SIK3: variants seen among roughly 807,000 people sequenced by gnomAD.
SIK3 encodes the protein serine/threonine-protein kinase SIK3.
Under a neutral mutation model 144.2 loss-of-function variants are expected in SIK3, and 28 were observed. That is an observed-to-expected ratio of 0.19 (90% confidence interval 0.14 to 0.27). SIK3 has a LOEUF of 0.27. Among genes scored for constraint, SIK3 ranks in the 10% least tolerant of loss-of-function variants. The pLI, the probability that SIK3 is intolerant of heterozygous loss-of-function variation, is 1.00. For synonymous variants in SIK3, 686 were observed against 676.3 expected (o/e 1.01, Z -0.22); for missense variants, 1,319 against 1,776.0 (o/e 0.74, Z 4.62).
Position 116,890,304 on chromosome 11 carries a change from C to T in SIK3, c.865+5949G>A, listed in dbSNP as rs756909994. ...GTATGTGTTTGGCAAGTCTGAGAAA[C>T]AGCAAGGAAGGCCCTGTGACTGGAG... On this transcript the variant is annotated intron_variant, in intron 6 of 24. Transcript: ENST00000445177. 1.1e-4 allele frequency among the ~76,000 whole-genome samples: 16 copies of T among 152,296 alleles called. No individual in the cohort carries two copies. In the South Asian group the frequency reaches 1.2e-3, roughly 12 times the overall value.
chr11:116,997,962 C>T (rs948933309), intron 1 of SIK3, among the ~76,000 whole-genome samples: 9 of 151,992 alleles, frequency 5.9e-5, no homozygotes, highest in African/African-American at 2.2e-4. Flanking sequence ...TGGGCTCAAG[C>T]AATCCTCCTG....
At chr11:117,032,730 T>C (rs1345117431) in intron 1 of SIK3, among the ~76,000 whole-genome samples, 5 of 151,858 alleles carry the variant, frequency 3.3e-5, no homozygotes, top group Non-Finnish European at 7.4e-5. Context: ...ATAATGTTTA[T>C]GAGATTAAGT....
rs140244924 is a variant in SIK3, at chr11:116,953,870, G to A, written c.454+174C>T. 6.9e-3 allele frequency among the ~76,000 whole-genome samples: 1,057 copies of A among 152,226 alleles called. 12 individuals carry two copies. Among genetic ancestry groups the A allele is most frequent in the African/African-American group, 0.024 (983 of 41,532 alleles). On this transcript the variant is annotated intron_variant, in intron 3 of 24. Coordinates refer to ENST00000445177, the MANE Select transcript of SIK3 (RefSeq NM_001366686.3). ...TGCTAAGGAAACAAATGTGTTAAAG[G>A]GATTTTACTAGATTAATCAAAACAA...
At chr11:116,847,328 G>C (rs1196001499) in intron 23 of SIK3, 148 bp downstream of exon 23, 5 of 1,115,672 alleles carry the variant, frequency 4.5e-6, no homozygotes, top group Non-Finnish European at 6.5e-6. Flanking sequence ...GAAGACCAGT[G>C]GGGAAAGGGG....
intron 1 of SIK3, among the ~76,000 whole-genome samples, chr11:117,022,003 C>T (rs147397590): frequency 2.2e-4 from 30 of 133,790 alleles, no homozygotes; most frequent in African/African-American, 7.7e-4. Flanking sequence ...AAAAATAATC[C>T]ATAAATTAGT....
intron 1 of SIK3, among the ~76,000 whole-genome samples, chr11:117,090,254 C>A (rs1389478774): frequency 6.6e-6 from 1 of 152,086 alleles, no homozygotes; most frequent in African/African-American, 2.4e-5. Flanking sequence ...CCAAGCTACT[C>A]GCTATTAGGA....
intron 3 of SIK3, among the ~76,000 whole-genome samples, chr11:116,946,353 A>G (rs1042055047): frequency 6.6e-6 from 1 of 151,226 alleles, no homozygotes; most frequent in African/African-American, 2.5e-5. Flanking sequence ...GTCAGAGACA[A>G]AAGACTTTGT....
intron 1 of SIK3, among the ~76,000 whole-genome samples, chr11:117,028,818 T>C (rs1219138158): frequency 6.6e-6 from 1 of 152,058 alleles, no homozygotes; most frequent in Non-Finnish European, 1.5e-5. Context: ...CAGGCTTTAT[T>C]TTACAGGAGA....
intron 1 of SIK3, among the ~76,000 whole-genome samples, chr11:117,075,993 C>T (rs529569406): frequency 6.1e-4 from 93 of 151,828 alleles, no homozygotes; most frequent in African/African-American, 1.9e-3. Context: ...GGATTACAGG[C>T]GCCTGCCACC....
At chr11:116,918,172 T>C (rs1591320441) in intron 4 of SIK3, among the ~76,000 whole-genome samples, 1 of 152,216 alleles carries the variant, frequency 6.6e-6, no homozygotes, top group African/African-American at 2.4e-5. Context: ...ATCCAGTGAA[T>C]TAACATATCC....
In SIK3 at chr11:116,846,780, T is replaced by A. The variant is rs1267187750; in HGVS notation, c.3953-227A>T. Among the ~76,000 whole-genome samples the A allele has an allele frequency of 6.6e-6, 1 of 152,196 alleles. No homozygotes were observed. ...CCTGTTCTGCTTTTTTCCCTTTTCC[T>A]TTACCCTTTCCCATCCTTAGGTAAG... On this transcript the variant is annotated intron_variant, in intron 23 of 24. Coordinates refer to ENST00000445177, the MANE Select transcript of SIK3 (RefSeq NM_001366686.3). The surrounding 1 kb of genome is among the most constrained non-coding windows in gnomAD (Gnocchi z 4.1).
In SIK3 at chr11:116,849,214, C is replaced by A; in HGVS notation, c.3725G>T (p.Gly1242Val). Residue 1242 changes from glycine (G) to valine (V), a missense_variant, in exon 22 of 25, where the codon GGG becomes GTG. Around this residue, in one of 8 missense-constraint regions of SIK3, gnomAD observed 646 missense variants for 763.7 expected, o/e 0.85. Transcript: ENST00000445177. The surrounding 1 kb of genome is among the most constrained non-coding windows in gnomAD (Gnocchi z 4.2). ...GGAGGGGCGTGCTGGGTACCCGAGCCCATTGTGATCCGGCAGCTCCACTGC... is the reference window on the plus strand; with the variant it reads ...GGAGGGGCGTGCTGGGTACCCGAGCACATTGTGATCCGGCAGCTCCACTGC... ...GQAVELPDHNGLGYPARPSVH... is the reference protein window; with the variant it reads ...GQAVELPDHNVLGYPARPSVH... 6.2e-7 allele frequency: 1 copy of A among 1,614,138 alleles called. No homozygotes were observed. Among genetic ancestry groups the A allele is most frequent in the Non-Finnish European group, 8.5e-7 (1 of 1,180,018 alleles).
chr11:116,971,666 T>C (rs1376418101), intron 1 of SIK3, among the ~76,000 whole-genome samples: 1 of 152,356 alleles, frequency 6.6e-6, no homozygotes, highest in Middle Eastern at 3.4e-3. Flanking sequence ...TTTATCTATA[T>C]CTCTACCAAG....
At chr11:116,932,798 TTTC>T (rs1384089097) in intron 3 of SIK3, among the ~76,000 whole-genome samples, 2 of 152,130 alleles carry the variant, frequency 1.3e-5, no homozygotes, top group Admixed American at 6.6e-5. Context: ...GCTTTTTTAT[TTTC>T]TTGTTTTTGT....
intron 3 of SIK3, among the ~76,000 whole-genome samples, chr11:116,948,430 ACCACAT>A (rs1476784259): frequency 2.6e-5 from 4 of 152,098 alleles, no homozygotes; most frequent in African/African-American, 9.6e-5. Flanking sequence ...GGCTCATGCT[ACCACAT>A]CCGGCTAATT....
intron 23 of SIK3, 97 bp downstream of exon 23, chr11:116,847,379 C>T: frequency 6.5e-7 from 1 of 1,536,880 alleles, no homozygotes; most frequent in East Asian, 2.3e-5. Flanking sequence ...TCTACCTCCC[C>T]ATGAGCTCTT....
Position 116,863,713 on chromosome 11 carries a change from G to C in SIK3, c.2058C>G (p.His686Gln). Residue 686 changes from histidine (H) to glutamine (Q), a missense_variant, in exon 16 of 25, where the codon CAC becomes CAG. This residue lies in a region of SIK3 where 77 missense variants were observed against 141.9 expected (regional missense o/e 0.54). Transcript: ENST00000445177. Reference sequence around the variant, plus strand: ...TGCTGTTGTTGCCCATTTTTTCCAGGTGAGCTTTGAAGGCCTGGATGCTCG... The same window carrying C: ...TGCTGTTGTTGCCCATTTTTTCCAGCTGAGCTTTGAAGGCCTGGATGCTCG... ...GAASIQAFKA[H>Q]LEKMGNNSSI... The C allele has an allele frequency of 6.2e-7, 1 of 1,614,080 alleles. No individual in the cohort carries two copies. The highest frequency in any genetic ancestry group is 8.5e-7 in the Non-Finnish European group (1 of 1,180,016).
Position 116,844,616 on chromosome 11 carries a change from AT to A in SIK3, c.*1026del, listed in dbSNP as rs1357140672. ...TATATTTTATATATATATTATATAT[AT>A]AATATATATATAATATATTATATTA... On this transcript the variant is annotated 3_prime_UTR_variant, in exon 25 of 25. Transcript: ENST00000445177. The A allele has an allele frequency of 2.6e-4, 11 of 42,734 alleles. 1 individual carries two copies. Among genetic ancestry groups the A allele is most frequent in the African/African-American group, 1.5e-3 (10 of 6,558 alleles). 2.6% of individuals were successfully genotyped at this position (42,734 alleles called of 1,614,324 possible).
intron 1 of SIK3, among the ~76,000 whole-genome samples, chr11:117,033,013 A>G (rs1319372807): frequency 1.3e-5 from 2 of 152,166 alleles, no homozygotes; most frequent in Non-Finnish European, 2.9e-5. Flanking sequence ...AGGTAATTAC[A>G]CCCATGAGGT....
Sources: gnomAD v4.1 joint callset for allele counts (sites outside exome capture counted in the v4.1 genomes callset) on GRCh38, gnomAD v4.1.1 for gene constraint, gnomAD v4.1.1 regional missense constraint, Gnocchi (gnomAD v3.1) non-coding constraint, MANE v1.5 for transcripts, NCBI Gene and HGNC (gene_info 2026-07-23, HGNC 2026-07-21) for gene names.